The following SYNE2 variants were observed in gnomAD, a reference collection of about 807,000 sequenced individuals.
The protein encoded by SYNE2 is spectrin repeat containing nuclear envelope protein 2.
In SYNE2, 431 loss-of-function variants were observed where a neutral mutation model predicts 856.3. That is an observed-to-expected ratio of 0.50 (90% confidence interval 0.47 to 0.55). The LOEUF (loss-of-function observed/expected upper bound fraction) is 0.55. Ranked by LOEUF, SYNE2 falls within the 20% of genes least tolerant of loss-of-function variation. SYNE2 has a pLI of 0.00. For missense variants in SYNE2, 8,129 were observed against 8,023.2 expected (o/e 1.01, Z -0.50); for synonymous variants, 2,923 against 2,872.3 (o/e 1.02, Z -0.56).
At chr14:64,082,374 C>T (rs1261060092) in intron 57 of SYNE2, among the ~76,000 whole-genome samples, 4 of 150,014 alleles carry the variant, frequency 2.7e-5, no homozygotes, top group Non-Finnish European at 5.9e-5. Flanking sequence ...ATAATACTTA[C>T]ATTCCAAAAT....
intron 104 of SYNE2, 131 bp downstream of exon 104, chr14:64,212,229 C>A: frequency 7.1e-7 from 1 of 1,400,928 alleles, no homozygotes; most frequent in Non-Finnish European, 9.9e-7. Flanking sequence ...GGCTACATCC[C>A]ACCTGTGTAC....
intron 1 of SYNE2, among the ~76,000 whole-genome samples, chr14:63,892,795 C>T (rs2095165659): frequency 6.8e-6 from 1 of 147,584 alleles, no homozygotes; most frequent in Non-Finnish European, 1.5e-5. Context: ...GCCTTGAACT[C>T]TGGGGCTTAA....
At chr14:63,824,621 A>G (rs1215133298) in intron 1 of SYNE2, among the ~76,000 whole-genome samples, 1 of 145,360 alleles carries the variant, frequency 6.9e-6, no homozygotes, top group Non-Finnish European at 1.5e-5. Flanking sequence ...CCTGGGTGAC[A>G]GAGCGAGAAT....
At chr14:63,887,461 G>A (rs1566715087) in intron 1 of SYNE2, among the ~76,000 whole-genome samples, 1 of 152,082 alleles carries the variant, frequency 6.6e-6, no homozygotes, top group South Asian at 2.1e-4. Context: ...ACCCTCTGTG[G>A]GTCCCTGGGG....
chr14:63,813,729 C>A (rs1595135257), intron 1 of SYNE2, among the ~76,000 whole-genome samples: 1 of 152,150 alleles, frequency 6.6e-6, no homozygotes, highest in Non-Finnish European at 1.5e-5. Flanking sequence ...CAACACCAGC[C>A]TGGACAAAAT....
At chr14:64,018,466 G>C (rs1043151561) in intron 34 of SYNE2, among the ~76,000 whole-genome samples, 1 of 152,056 alleles carries the variant, frequency 6.6e-6, no homozygotes, top group Admixed American at 6.6e-5. Flanking sequence ...CTGGTCTTGA[G>C]CTCCTGACCT....
intron 85 of SYNE2, among the ~76,000 whole-genome samples, chr14:64,154,340 C>T (rs1394521105): frequency 6.6e-6 from 1 of 152,090 alleles, no homozygotes; most frequent in Non-Finnish European, 1.5e-5. Context: ...CAAAACTAAA[C>T]ACCTTGATGT....
In SYNE2 at chr14:64,141,940, A is replaced by G; in HGVS notation, c.15160-2A>G. 1 of 1,613,976 alleles carries G rather than the reference A, an allele frequency of 6.2e-7. No homozygotes were observed. Among genetic ancestry groups the G allele is most frequent in the Non-Finnish European group, 8.5e-7 (1 of 1,179,948 alleles). Reference sequence around the variant, plus strand: ...TAAATGGAAATCATTTTGTTCTTACAGCTTCAAATGGAGAAATTGCCGTCT... The same window carrying G: ...TAAATGGAAATCATTTTGTTCTTACGGCTTCAAATGGAGAAATTGCCGTCT... On this transcript the variant is annotated splice_acceptor_variant, in intron 81 of 115. Transcript: ENST00000555002. LOFTEE classifies it high-confidence loss of function.
intron 97 of SYNE2, 38 bp from the exon 98 acceptor site, chr14:64,188,512 T>C (rs765222877): frequency 2.5e-6 from 4 of 1,613,936 alleles, no homozygotes; most frequent in African/African-American, 2.7e-5. Flanking sequence ...CTTTCCTTCC[T>C]GGCTATACTC....
chr14:63,807,865 A>ATATATATATATATAT lies in SYNE2; in HGVS notation c.-304-44636_-304-44635insTATATATATATATAT, dbSNP rs1267385896. 1.7e-3 allele frequency among the ~76,000 whole-genome samples: 169 copies of ATATATATATATATAT among 97,354 alleles called. 1 individual carries two copies. The highest frequency in any genetic ancestry group is 2.6e-3 in the Non-Finnish European group (124 of 48,420). The allele number at this position is 97,354 out of a possible 152,430, so 63.9% of individuals were successfully genotyped here. On this transcript the variant is annotated intron_variant, in intron 1 of 23. Transcript: ENST00000674003. Reference sequence around the variant, plus strand: ...TATATATATATATATATATATATATAATTTCAATAGTTTTTGGGAACAAGT... The same window carrying ATATATATATATATAT: ...TATATATATATATATATATATATATATATATATATATATATATTTCAATAGTTTTTGGGAACAAGT...
chr14:64,123,224 C>T (rs1389108592), intron 70 of SYNE2, among the ~76,000 whole-genome samples: 1 of 152,166 alleles, frequency 6.6e-6, no homozygotes, highest in Non-Finnish European at 1.5e-5. Flanking sequence ...AATCGGTGTT[C>T]CCTGTGATTG....
intron 1 of SYNE2, among the ~76,000 whole-genome samples, chr14:63,906,983 A>G (rs1216007739): frequency 6.6e-6 from 1 of 152,154 alleles, no homozygotes; most frequent in Non-Finnish European, 1.5e-5. Flanking sequence ...GACTAATCCC[A>G]TTAATGAGGA....
At chr14:63,816,245 C>T (rs1888988602) in intron 1 of SYNE2, among the ~76,000 whole-genome samples, 1 of 152,056 alleles carries the variant, frequency 6.6e-6, no homozygotes, top group Admixed American at 6.6e-5. Flanking sequence ...CCATGCCTGG[C>T]CTAAATTATT....
intron 96 of SYNE2, among the ~76,000 whole-genome samples, chr14:64,182,352 TTTAATTTA>T (rs2098461951): frequency 7.7e-6 from 1 of 130,652 alleles, no homozygotes; most frequent in Non-Finnish European, 1.6e-5. Context: ...TCTGGGGCAA[TTTAATTTA>T]TTTATTTATT....
At chr14:63,813,362 C>G (rs1888693836) in intron 1 of SYNE2, among the ~76,000 whole-genome samples, 1 of 152,184 alleles carries the variant, frequency 6.6e-6, no homozygotes, top group African/African-American at 2.4e-5. Context: ...TGTTCATTGT[C>G]TTTGAGGTTT....
intron 79 of SYNE2, among the ~76,000 whole-genome samples, chr14:64,139,242 C>T (rs112810996): frequency 6.6e-6 from 1 of 151,428 alleles, no homozygotes; most frequent in Admixed American, 6.6e-5. Context: ...CTTGTTACCC[C>T]AAAGTGCTGG....
At chr14:63,898,884 C>G (rs760393406) in intron 1 of SYNE2, among the ~76,000 whole-genome samples, 1 of 152,184 alleles carries the variant, frequency 6.6e-6, no homozygotes. Context: ...TAAAGTTTAT[C>G]ATCCTAACCA....
At chr14:64,196,152 G>A (rs1428037000) in intron 99 of SYNE2, among the ~76,000 whole-genome samples, 1 of 152,226 alleles carries the variant, frequency 6.6e-6, no homozygotes, top group Non-Finnish European at 1.5e-5. Context: ...ACTATTGCCA[G>A]ATCTGCACTT....
At chr14:64,217,680 G>T (rs1327076053) in intron 108 of SYNE2, among the ~76,000 whole-genome samples, 3 of 152,070 alleles carry the variant, frequency 2.0e-5, no homozygotes, top group Non-Finnish European at 4.4e-5. Context: ...CACCTGGCCG[G>T]TTTCAAAATC....
Sources: allele counts gnomAD v4.1 joint callset (sites outside exome capture counted in the v4.1 genomes callset), GRCh38; gene constraint gnomAD v4.1.1; transcripts MANE v1.5; gene names NCBI Gene and HGNC (gene_info 2026-07-23, HGNC 2026-07-21).